Variants in INPP5D observed in about 807,000 individuals in gnomAD.
The protein encoded by INPP5D is phosphatidylinositol 3,4,5-trisphosphate 5-phosphatase 1.
In INPP5D, 33 loss-of-function variants were observed where a neutral mutation model predicts 122.9. That is an observed-to-expected ratio of 0.27 (90% confidence interval 0.20 to 0.36). INPP5D has a LOEUF of 0.36. Among genes scored for constraint, INPP5D ranks in the 10% least tolerant of loss-of-function variants. INPP5D has a pLI of 1.00. For synonymous variants in INPP5D, 584 were observed against 576.2 expected (o/e 1.01, Z -0.19); for missense variants, 1,053 against 1,412.7 (o/e 0.75, Z 4.08).
At position 233,131,394 on chromosome 2, in the gene INPP5D, C is replaced by A. The variant is rs113930231; in HGVS notation, c.665+746C>A. On this transcript the variant is annotated intron_variant, in intron 5 of 26. Coordinates refer to ENST00000445964, the MANE Select transcript of INPP5D (RefSeq NM_001017915.3). The stretch of plus-strand genomic sequence containing the variant: ...CAAAGCCACAGGGAGCCAAAACAAT[C>A]CCATCACAAATGAAAGGTCAGGCCG... 2.8e-3 allele frequency among the ~76,000 whole-genome samples: 432 copies of A among 152,220 alleles called. 2 individuals carry two copies. The highest frequency in any genetic ancestry group is 9.8e-3 in the African/African-American group (408 of 41,532).
chr2:233,170,446 CTGGA>C lies in INPP5D; in HGVS notation c.1792-48_1792-45del. 1 of 1,611,732 alleles carries C rather than the reference CTGGA, an allele frequency of 6.2e-7. No individual in the cohort carries two copies. Among genetic ancestry groups the C allele is most frequent in the Non-Finnish European group, 8.5e-7 (1 of 1,178,894 alleles). ...CCCCCAGCCCCGAAGCTTGTCAGGC[CTGGA>C]TCAGCAGGGCTTCTCACCAGAGGCC... is the stretch of plus-strand genomic sequence containing the variant. On this transcript the variant is annotated intron_variant, in intron 15 of 26. Coordinates refer to ENST00000445964, the MANE Select transcript of INPP5D (RefSeq NM_001017915.3). The surrounding 1 kb of genome is among the most constrained non-coding windows in gnomAD (Gnocchi z 4.5).
At chr2:233,165,657 T>A (rs929645988) in intron 13 of INPP5D, among the ~76,000 whole-genome samples, 10 of 151,920 alleles carry the variant, frequency 6.6e-5, no homozygotes, top group African/African-American at 1.9e-4. Context: ...AGTCCATGCA[T>A]GTGTTTGTGA....
At chr2:233,103,388 G>T (rs1055745104) in intron 2 of INPP5D, among the ~76,000 whole-genome samples, 1 of 152,210 alleles carries the variant, frequency 6.6e-6, no homozygotes, top group African/African-American at 2.4e-5. Context: ...CCTGGTCTAT[G>T]TTCCTGGGTT....
intron 5 of INPP5D, 49 bp downstream of exon 5, chr2:233,130,697 A>G (rs1409812024): frequency 6.2e-7 from 1 of 1,604,976 alleles, no homozygotes; most frequent in Admixed American, 1.7e-5. Flanking sequence ...CCACCAGGTG[A>G]GAGAAACAGC....
chr2:233,145,826 G>A (rs921090572), intron 6 of INPP5D: 6 of 473,054 alleles, frequency 1.3e-5, no homozygotes, highest in Admixed American at 4.7e-5. Flanking sequence ...GAAGTAGGAC[G>A]GGAACACCAT....
At position 233,077,684 on chromosome 2, in the gene INPP5D, A is replaced by C. The variant is rs866750310; in HGVS notation, c.135-1651A>C. 3.9e-3 allele frequency among the ~76,000 whole-genome samples: 575 copies of C among 148,552 alleles called. 5 individuals are homozygous for C. The highest frequency in any genetic ancestry group is 0.014 in the African/African-American group (547 of 39,136). On this transcript the variant is annotated intron_variant, in intron 1 of 26. Transcript: ENST00000445964. The stretch of plus-strand genomic sequence containing the variant: ...CTCAAAAAAAAAAAAAAAAAAAAAA[A>C]AACTCTCTCTACTAAAAATACAAAA...
At chr2:233,069,174 T>G (rs995292017) in intron 1 of INPP5D, among the ~76,000 whole-genome samples, 1 of 152,166 alleles carries the variant, frequency 6.6e-6, no homozygotes, top group Non-Finnish European at 1.5e-5. Context: ...TATTAACAAG[T>G]GCAGGCCCCT....
intron 2 of INPP5D, among the ~76,000 whole-genome samples, chr2:233,085,386 G>GAA (rs369389658): frequency 8.3e-6 from 1 of 120,610 alleles, no homozygotes; most frequent in Non-Finnish European, 1.8e-5. Context: ...CTGTCTCAAA[G>GAA]AAAAAAAAAA....
At chr2:233,113,980 A>G (rs569126947) in intron 2 of INPP5D, among the ~76,000 whole-genome samples, 7 of 141,550 alleles carry the variant, frequency 4.9e-5, no homozygotes, top group East Asian at 4.1e-4. Context: ...GCGCCATCTC[A>G]GCTCACTGCA....
At chr2:233,180,896 A>T (rs1694767653) in intron 18 of INPP5D, among the ~76,000 whole-genome samples, 1 of 150,964 alleles carries the variant, frequency 6.6e-6, no homozygotes, top group Non-Finnish European at 1.5e-5. Context: ...CTGATCTCGA[A>T]CTCCTGGCCT....
chr2:233,060,737 A>G (rs1691049409), intron 1 of INPP5D, 125 bp downstream of exon 1: 1 of 1,297,502 alleles, frequency 7.7e-7, no homozygotes, highest in Non-Finnish European at 1.1e-6. Context: ...CTTCCCCGCC[A>G]CCCTGTCATG....
chr2:233,163,063 A>G (rs1445919010), intron 11 of INPP5D, among the ~76,000 whole-genome samples: 1 of 152,162 alleles, frequency 6.6e-6, no homozygotes, highest in African/African-American at 2.4e-5. Context: ...GCCACAGTCC[A>G]TTTACTCCAA....
chr2:233,088,095 C>G (rs1056165647), intron 2 of INPP5D, among the ~76,000 whole-genome samples: 5 of 152,156 alleles, frequency 3.3e-5, no homozygotes, highest in Admixed American at 3.3e-4. Context: ...CCTGCCTCAG[C>G]CTTCCAAGTA....
At chr2:233,157,305 C>T (rs1408904675) in intron 9 of INPP5D, among the ~76,000 whole-genome samples, 4 of 152,082 alleles carry the variant, frequency 2.6e-5, no homozygotes, top group African/African-American at 9.7e-5. Context: ...GTGCCTCGGC[C>T]CTTGAAGTCA....
chr2:233,191,554 G>T (rs1337964021), intron 22 of INPP5D, among the ~76,000 whole-genome samples: 1 of 152,208 alleles, frequency 6.6e-6, no homozygotes, highest in Non-Finnish European at 1.5e-5. Context: ...GAATGCTGTT[G>T]TGCTGGGGAC....
intron 2 of INPP5D, among the ~76,000 whole-genome samples, chr2:233,089,590 A>G (rs538148721): frequency 2.0e-4 from 31 of 152,216 alleles, no homozygotes; most frequent in Non-Finnish European, 4.1e-4. Flanking sequence ...TTGAGTCATG[A>G]TCCTTCCTGA....
rs1691715417 is a variant in INPP5D at position 233,082,389 on chromosome 2, C to T, written c.198+2991C>T. On this transcript the variant is annotated intron_variant, in intron 2 of 26. Coordinates refer to ENST00000445964, the MANE Select transcript of INPP5D (RefSeq NM_001017915.3). This position sits in a 1 kb window ranked among gnomAD's most constrained non-coding sequence, Gnocchi z 4.7. ...TCCTCTTTTCATGTTGAGGCAAAACCTCACAGTCTTTTCTGAGCTTAGCCA... is the reference window on the plus strand; with the variant it reads ...TCCTCTTTTCATGTTGAGGCAAAACTTCACAGTCTTTTCTGAGCTTAGCCA... Among the ~76,000 whole-genome samples the T allele has an allele frequency of 6.6e-6, 1 of 152,128 alleles. No homozygotes were observed. The highest frequency in any genetic ancestry group is 2.1e-4 in the South Asian group (1 of 4,828).
At chr2:233,154,611 C>T (rs763022855) in intron 9 of INPP5D, among the ~76,000 whole-genome samples, 5 of 152,188 alleles carry the variant, frequency 3.3e-5, no homozygotes, top group Admixed American at 6.5e-5. Context: ...TGTATGTCTA[C>T]GTGTGTGTAT....
At chr2:233,120,505 C>T (rs1692938444) in intron 2 of INPP5D, 1 of 152,206 alleles carries the variant, frequency 6.6e-6, no homozygotes, top group Non-Finnish European at 1.5e-5. Flanking sequence ...AATAAACAAT[C>T]TGAAAGTCAC....
Sources: gnomAD v4.1 joint callset for allele counts (sites outside exome capture counted in the v4.1 genomes callset) on GRCh38, gnomAD v4.1.1 for gene constraint, Gnocchi (gnomAD v3.1) non-coding constraint, MANE v1.5 for transcripts, NCBI Gene and HGNC (gene_info 2026-07-23, HGNC 2026-07-21) for gene names.